The following ANKRD30BL variants were observed in gnomAD, a reference collection of about 807,000 sequenced individuals.
ANKRD30BL encodes the protein putative ankyrin repeat domain-containing protein 30B-like.
Under a neutral mutation model 18.4 loss-of-function variants are expected in ANKRD30BL, and 20 were observed. The ratio of observed to expected loss-of-function variants is 1.09; its 90% CI spans 0.77 to 1.58. The LOEUF (loss-of-function observed/expected upper bound fraction) is 1.58. Among genes scored for constraint, ANKRD30BL ranks in the 40% most tolerant of loss-of-function variants. The pLI is 0.00. For synonymous variants in ANKRD30BL, 72 were observed against 100.9 expected (o/e 0.71, Z 1.72); for missense variants, 224 against 268.6 (o/e 0.83, Z 1.16).
intron 1 of ANKRD30BL, among the ~76,000 whole-genome samples, chr2:132,230,723 CT>C (rs1382334348): frequency 1.3e-5 from 2 of 152,020 alleles, no homozygotes; most frequent in African/African-American, 4.8e-5. Context: ...TTGAACCTTG[CT>C]TTTGATAGAG....
At chr2:132,199,229 G>A (rs1254959481) in intron 1 of ANKRD30BL, among the ~76,000 whole-genome samples, 2 of 152,012 alleles carry the variant, frequency 1.3e-5, no homozygotes, top group African/African-American at 2.4e-5. Flanking sequence ...GCTTGGTGGT[G>A]TATGCCTGTA....
rs1443941906 is a variant in ANKRD30BL, at chr2:132,161,877, CGCAAAA to C, written c.-178_-173del. On this transcript the variant is annotated 5_prime_UTR_variant, in exon 1 of 6. Transcript: ENST00000409867. The stretch of plus-strand genomic sequence containing the variant: ...AACCTCTCCCGGGAGAAAATGGCTG[CGCAAAA>C]CCGTTAGGCAGCTGAGCAGAACCGT... The C allele has an allele frequency of 1.7e-6, 1 of 584,448 alleles. No individual in the cohort carries two copies. The highest frequency in any genetic ancestry group is 1.9e-5 in the African/African-American group (1 of 52,160). 36.2% of individuals were successfully genotyped at this position (584,448 alleles called of 1,614,324 possible). A position where few individuals can be genotyped will look rare whatever the true frequency, so the allele number is the denominator to read the frequency against.
chr2:132,189,268 A>G (rs1367681112), intron 1 of ANKRD30BL, among the ~76,000 whole-genome samples: 2 of 152,236 alleles, frequency 1.3e-5, no homozygotes, highest in South Asian at 2.1e-4. Flanking sequence ...CATAGTCAAC[A>G]TACTAGGTAA....
chr2:132,246,717 T>C (rs915001728), intron 1 of ANKRD30BL, among the ~76,000 whole-genome samples: 7 of 152,064 alleles, frequency 4.6e-5, no homozygotes, highest in African/African-American at 1.4e-4. Flanking sequence ...GAACATTCTT[T>C]TTCATAGAAT....
upstream of ANKRD30BL, among the ~76,000 whole-genome samples, chr2:132,162,177 T>TG (rs1230290330): frequency 6.6e-6 from 1 of 152,088 alleles, no homozygotes; most frequent in Non-Finnish European, 1.5e-5. Flanking sequence ...AGCTGGGCCC[T>TG]GGCGCTGGGC....
At chr2:132,210,895 TAC>T (rs1679327678) in intron 1 of ANKRD30BL, among the ~76,000 whole-genome samples, 1 of 152,140 alleles carries the variant, frequency 6.6e-6, no homozygotes, top group African/African-American at 2.4e-5. Context: ...ACCTAAAAAC[TAC>T]ACAGAAGCAT....
At chr2:132,215,777 C>T (rs930654692) in intron 1 of ANKRD30BL, among the ~76,000 whole-genome samples, 4 of 150,890 alleles carry the variant, frequency 2.7e-5, no homozygotes, top group Non-Finnish European at 5.9e-5. Flanking sequence ...ACCTTTCCTT[C>T]GATTGTGTAG....
At position 132,199,567 on chromosome 2, in the gene ANKRD30BL, C is replaced by A. The variant is rs1287819533; in HGVS notation, n.442-42421G>T. Among the ~76,000 whole-genome samples, 3 of 150,736 alleles carry A rather than the reference C, an allele frequency of 2.0e-5. No homozygotes were observed. The East Asian group carries it at 5.9e-4, about 29-fold the overall frequency. The stretch of plus-strand genomic sequence containing the variant: ...TGTGGTCCAAGCTGGAGTGCAGTGG[C>A]GGGATCTCGGCTCACTTCAACCTCC... On this transcript the variant is annotated intron_variant and non_coding_transcript_variant, in intron 1 of 4. Transcript: ENST00000470729.
chr2:132,221,055 C>T (rs1244116520), intron 1 of ANKRD30BL, among the ~76,000 whole-genome samples: 8 of 150,412 alleles, frequency 5.3e-5, no homozygotes, highest in East Asian at 2.0e-4. Flanking sequence ...CCGGCCGCCC[C>T]GTCTGAGAAG....
intron 1 of ANKRD30BL, among the ~76,000 whole-genome samples, chr2:132,216,498 T>A (rs1386590851): frequency 3.3e-5 from 5 of 152,020 alleles, no homozygotes; most frequent in African/African-American, 1.2e-4. Context: ...TTGTTCGCTT[T>A]GAGGCCTATG....
chr2:132,242,359 C>T (rs796694243), intron 1 of ANKRD30BL, among the ~76,000 whole-genome samples: 20 of 151,032 alleles, frequency 1.3e-4, no homozygotes, highest in Admixed American at 4.6e-4. Context: ...TCGTTGGAAA[C>T]GGGAATATCT....
At chr2:132,256,267 C>T (rs1024620324) in intron 1 of ANKRD30BL, among the ~76,000 whole-genome samples, 2 of 145,502 alleles carry the variant, frequency 1.4e-5, no homozygotes, top group African/African-American at 2.5e-5. Context: ...CGCGGCAGGG[C>T]GGGCGATGGG....
At position 132,229,960 on chromosome 2, in the gene ANKRD30BL, A is replaced by G. The variant is rs571243071; in HGVS notation, n.441+27569T>C. Among the ~76,000 whole-genome samples, 113 of 152,118 alleles carry G rather than the reference A, an allele frequency of 7.4e-4. 1 individual carries two copies. The Middle Eastern group carries it at 0.02, about 27-fold the overall frequency. The stretch of plus-strand genomic sequence containing the variant: ...GGAGGCCTTCTTTATAAACGTGAAT[A>G]TCTTCACATAAAAACTAGACAGAAG... On this transcript the variant is annotated intron_variant and non_coding_transcript_variant, in intron 1 of 4. Coordinates refer to the ANKRD30BL transcript ENST00000470729.
chr2:132,237,567 C>G (rs376322809), intron 1 of ANKRD30BL, among the ~76,000 whole-genome samples: 2 of 151,780 alleles, frequency 1.3e-5, no homozygotes, highest in African/African-American at 4.8e-5. Flanking sequence ...GTAGAATTTG[C>G]AAGTGGATAT....
chr2:132,253,643 G>A lies in ANKRD30BL; in HGVS notation n.441+3886C>T, dbSNP rs527262278. Among the ~76,000 whole-genome samples the A allele has an allele frequency of 3.2e-3, 484 of 152,212 alleles. 1 individual carries two copies. Among genetic ancestry groups the A allele is most frequent in the African/African-American group, 0.011 (454 of 41,564 alleles). ...TGGCGTGGCCCCAGCTGGCCGGGGG[G>A]ACGGAGTCGGCAGGGGAGGCGAGGG... On this transcript the variant is annotated intron_variant and non_coding_transcript_variant, in intron 1 of 4. Coordinates refer to the ANKRD30BL transcript ENST00000470729.
At chr2:132,202,149 G>C (rs922874064) in intron 1 of ANKRD30BL, among the ~76,000 whole-genome samples, 4 of 148,278 alleles carry the variant, frequency 2.7e-5, no homozygotes, top group Admixed American at 6.6e-5. Context: ...TTGTGGGGTG[G>C]AGGCAGGGGG....
At chr2:132,222,844 A>AT (rs1679730679) in intron 1 of ANKRD30BL, among the ~76,000 whole-genome samples, 1 of 119,480 alleles carries the variant, frequency 8.4e-6, no homozygotes, top group Non-Finnish European at 1.5e-5. Context: ...AAAAAAAAAA[A>AT]AAAAAAAAAA....
intron 3 of ANKRD30BL, chr2:132,155,074 C>T (rs1687865458): frequency 9.4e-6 from 2 of 213,312 alleles, no homozygotes; most frequent in African/African-American, 2.3e-5. Flanking sequence ...TGTCCTTAAA[C>T]CCTAAGACAT....
At chr2:132,198,324 C>CTTTTTTCTT (rs1679015862) in intron 1 of ANKRD30BL, among the ~76,000 whole-genome samples, 1 of 16,814 alleles carries the variant, frequency 5.9e-5, no homozygotes, top group African/African-American at 1.4e-4. Flanking sequence ...TTCTTTCTTT[C>CTTTTTTCTT]TTTTTTTTTT....
Sources: allele counts gnomAD v4.1 joint callset (sites outside exome capture counted in the v4.1 genomes callset), GRCh38; gene constraint gnomAD v4.1.1; transcripts MANE v1.5; gene names NCBI Gene and HGNC (gene_info 2026-07-23, HGNC 2026-07-21).